Variants in TBC1D30 observed in about 807,000 individuals in gnomAD.
TBC1D30 encodes the protein TBC1 domain family, member 30.
Under a neutral mutation model 63.2 loss-of-function variants are expected in TBC1D30, and 31 were observed. The observed-to-expected ratio is 0.49, with a 90% CI of 0.37 to 0.66. TBC1D30 has a LOEUF of 0.66. TBC1D30 is among the 30% of genes least tolerant of loss of function. The pLI is 0.00. For missense variants in TBC1D30, 810 were observed against 953.6 expected, an observed-to-expected ratio of 0.85 and a Z score of 1.98; for synonymous variants, 307 against 361.5, an observed-to-expected ratio of 0.85 and a Z score of 1.71.
rs1417434341 is a variant in TBC1D30, at chr12:64,833,910, T to A, written c.594+1606T>A. On this transcript the variant is annotated intron_variant, in intron 5 of 11. Transcript: ENST00000539867. ...AATTGGTATGATGATAAAATGGGAA[T>A]TGTTTTCTAGAGCAATTGGAATAAG... 7.9e-5 allele frequency among the ~76,000 whole-genome samples: 12 copies of A among 151,948 alleles called. 2 individuals carry two copies. The highest frequency in any genetic ancestry group is 1.6e-4 in the Non-Finnish European group (11 of 68,020).
At chr12:64,870,990 A>T (rs1470413601) in intron 11 of TBC1D30, among the ~76,000 whole-genome samples, 182 bp downstream of exon 11, 1 of 152,218 alleles carries the variant, frequency 6.6e-6, no homozygotes, top group Non-Finnish European at 1.5e-5. Flanking sequence ...GGCTCTAAAG[A>T]AGAAAAAGAC....
chr12:64,808,610 C>T (rs143221797), intron 2 of TBC1D30, among the ~76,000 whole-genome samples: 2,071 of 152,230 alleles, frequency 0.014, 33 homozygotes, highest in Non-Finnish European at 0.022. Context: ...AGAAATTTTA[C>T]TATCTTAACC....
chr12:64,869,931 G>T (rs1878521956), intron 10 of TBC1D30, among the ~76,000 whole-genome samples: 2 of 152,146 alleles, frequency 1.3e-5, no homozygotes, highest in African/African-American at 4.8e-5. Flanking sequence ...GCTTTGGCCT[G>T]TGTAGTCTGT....
chr12:64,859,857 A>G (rs1181808552), intron 8 of TBC1D30, among the ~76,000 whole-genome samples: 1 of 152,076 alleles, frequency 6.6e-6, no homozygotes, highest in South Asian at 2.1e-4. Flanking sequence ...TTATTCTGCA[A>G]CAGGTCTTGT....
intron 8 of TBC1D30, among the ~76,000 whole-genome samples, chr12:64,854,360 A>G (rs1352298551): frequency 6.6e-6 from 1 of 152,086 alleles, no homozygotes; most frequent in African/African-American, 2.4e-5. Context: ...CAAAAAGAAA[A>G]CTAATAAAAA....
intron 11 of TBC1D30, among the ~76,000 whole-genome samples, chr12:64,872,980 G>A (rs150025531): frequency 0.048 from 7,341 of 152,244 alleles, 233 homozygotes; most frequent in Non-Finnish European, 0.079. Flanking sequence ...AATTATGGGA[G>A]CTACAAGATG....
At chr12:64,841,813 A>G (rs554859293) in intron 7 of TBC1D30, among the ~76,000 whole-genome samples, 16 of 152,260 alleles carry the variant, frequency 1.1e-4, no homozygotes, top group Admixed American at 1.0e-3. Context: ...AAACTTAAGT[A>G]CCTTTCATTC....
chr12:64,777,075 T>C (rs1414967603), upstream of TBC1D30, among the ~76,000 whole-genome samples: 3 of 152,106 alleles, frequency 2.0e-5, no homozygotes, highest in Non-Finnish European at 4.4e-5. Flanking sequence ...TGTTAAAAAC[T>C]CTCAATAAAC....
chr12:64,864,857 A>C (rs1878087610), intron 9 of TBC1D30, 77 bp downstream of exon 9: 1 of 1,024,366 alleles, frequency 9.8e-7, no homozygotes, highest in South Asian at 1.5e-5. Context: ...ATTAATATTT[A>C]TGAAGCCCCA....
At chr12:64,814,320 T>C (rs1450905335) in intron 2 of TBC1D30, among the ~76,000 whole-genome samples, 1 of 152,120 alleles carries the variant, frequency 6.6e-6, no homozygotes, top group Non-Finnish European at 1.5e-5. Context: ...GTACTGAGAT[T>C]ACAGGTATGA....
At chr12:64,781,821 A>C (rs2136290551) in intron 1 of TBC1D30, among the ~76,000 whole-genome samples, 1 of 151,896 alleles carries the variant, frequency 6.6e-6, no homozygotes, top group Non-Finnish European at 1.5e-5. Flanking sequence ...TATTTCTGCC[A>C]GAGCGTACGG....
intron 1 of TBC1D30, among the ~76,000 whole-genome samples, chr12:64,763,459 A>G (rs1870591668): frequency 1.3e-5 from 2 of 152,210 alleles, no homozygotes. Flanking sequence ...ATATACGTAT[A>G]GAGTGTGAAA....
intron 1 of TBC1D30, among the ~76,000 whole-genome samples, chr12:64,769,447 G>A (rs944163651): frequency 4.6e-4 from 69 of 151,080 alleles, no homozygotes; most frequent in African/African-American, 1.7e-3. Flanking sequence ...GCATGATCTC[G>A]GCTCACTGCA....
At chr12:64,825,270 C>T in intron 1 of TBC1D30, 1 of 472,438 alleles carries the variant, frequency 2.1e-6, no homozygotes, top group Non-Finnish European at 3.6e-6. Context: ...CTGCTTCCAC[C>T]CTCTCCCCGC....
chr12:64,875,764 A>G lies in TBC1D30; in HGVS notation c.2262A>G (p.Gly754=), dbSNP rs1592670970. The change falls in exon 12 of 12, where the codon GGA becomes GGG. Residue 754 remains glycine (G), a synonymous_variant. Transcript: ENST00000539867. ...GGAGCTTCAGCAAACCCGGCGGTGG[A>G]AACAGTGGCACTAAAAAACGATGAT... The part of the protein sequence containing the change: ...MSRSFSKPGG[G]NSGTKKR 3 of 1,532,078 alleles carry G rather than the reference A, an allele frequency of 2.0e-6. No individual in the cohort carries two copies. Among genetic ancestry groups the G allele is most frequent in the East Asian group, 2.4e-5 (1 of 40,862 alleles). The allele number at this position is 1,532,078 out of a possible 1,614,324, so 94.9% of individuals were successfully genotyped here.
chr12:64,878,949 G>C lies in TBC1D30; in HGVS notation c.*3161G>C, dbSNP rs1244741954. The C allele has an allele frequency of 6.2e-6, 1 of 160,614 alleles. No individual in the cohort carries two copies. Among genetic ancestry groups the C allele is most frequent in the Admixed American group, 6.0e-5 (1 of 16,714 alleles). The allele number at this position is 160,614 out of a possible 1,614,324, so 9.9% of individuals were successfully genotyped here. On this transcript the variant is annotated 3_prime_UTR_variant, in exon 12 of 12. Transcript: ENST00000539867. Reference sequence around the variant, plus strand: ...AATGAACAATAAATATAGTTTAGCTGCATGGCATTAAGGATTCTGTATGAA... The same window carrying C: ...AATGAACAATAAATATAGTTTAGCTCCATGGCATTAAGGATTCTGTATGAA...
At chr12:64,870,551 T>C (rs1392733195) in intron 10 of TBC1D30, 51 bp from the exon 11 acceptor site, 8 of 1,437,948 alleles carry the variant, frequency 5.6e-6, no homozygotes, top group Non-Finnish European at 7.6e-6. Context: ...TTCCATTTAC[T>C]CCTGTTCCCC....
intron 2 of TBC1D30, among the ~76,000 whole-genome samples, chr12:64,797,028 CAAAAAAAA>C (rs552416081): frequency 6.7e-5 from 5 of 75,136 alleles, no homozygotes; most frequent in African/African-American, 1.1e-4. Flanking sequence ...TTCTCCTCTG[CAAAAAAAA>C]AAAAAAAAAA....
chr12:64,778,754 G>T (rs955379981), upstream of TBC1D30, among the ~76,000 whole-genome samples: 1 of 151,878 alleles, frequency 6.6e-6, no homozygotes, highest in African/African-American at 2.4e-5. Context: ...TCGATCTCTT[G>T]ACTTCATGAT....
Sources: allele counts gnomAD v4.1 joint callset (sites outside exome capture counted in the v4.1 genomes callset), GRCh38; gene constraint gnomAD v4.1.1; transcripts MANE v1.5; gene names NCBI Gene and HGNC (gene_info 2026-07-23, HGNC 2026-07-21).